The following AMZ1 variants were observed in gnomAD, a reference collection of about 807,000 sequenced individuals.
The protein encoded by AMZ1 is archaemetzincin-1.
In AMZ1, 39 loss-of-function variants were observed where a neutral mutation model predicts 29.9. The observed-to-expected ratio is 1.30, with a 90% CI of 1.01 to 1.70. The LOEUF (loss-of-function observed/expected upper bound fraction) is 1.70. Among genes scored for constraint, AMZ1 ranks in the 40% most tolerant of loss-of-function variants. The pLI is 0.00. For synonymous variants in AMZ1, 458 were observed against 304.0 expected (o/e 1.51, Z -5.27); for missense variants, 1,041 against 680.6 (o/e 1.53, Z -5.89).
rs1349893230 is a variant in AMZ1 at position 2,688,305 on chromosome 7, G to T, written c.-219+9G>T. On this transcript the variant is annotated intron_variant, in intron 1 of 6. Coordinates refer to ENST00000683327, the MANE Select transcript of AMZ1 (RefSeq NM_001384743.1). ...GGGCGCGGGACTGCGAGGTAGGGGGGCGCGCGGGGAAGACTCGGGGGCGCA... is the reference window on the plus strand; with the variant it reads ...GGGCGCGGGACTGCGAGGTAGGGGGTCGCGCGGGGAAGACTCGGGGGCGCA... 1.3e-5 allele frequency: 2 copies of T among 151,834 alleles called. No homozygotes were observed. The highest frequency in any genetic ancestry group is 2.1e-4 in the South Asian group (1 of 4,832). The allele number at this position is 151,834 out of a possible 1,614,324, so 9.4% of individuals were successfully genotyped here. A position where few individuals can be genotyped will look rare whatever the true frequency, so the allele number is the denominator to read the frequency against.
chr7:2,744,408 G>C (rs1393846539), intron 4 of AMZ1, among the ~76,000 whole-genome samples: 1 of 152,242 alleles, frequency 6.6e-6, no homozygotes, highest in Non-Finnish European at 1.5e-5. Flanking sequence ...CAAGCAAACA[G>C]GGTCTGGAGT....
chr7:2,724,941 C>T (rs905098474), intron 4 of AMZ1, among the ~76,000 whole-genome samples: 3 of 152,214 alleles, frequency 2.0e-5, no homozygotes, highest in South Asian at 4.1e-4. Context: ...AAGCCGGTAC[C>T]CCAGCGGGTG....
upstream of AMZ1, chr7:2,763,349 G>C (rs1026766410): frequency 1.9e-5 from 3 of 156,618 alleles, no homozygotes; most frequent in African/African-American, 7.2e-5. Flanking sequence ...CCTCGGCACA[G>C]TTTGTTTGCT....
At chr7:2,757,236 C>T (rs1252602578) in intron 4 of AMZ1, among the ~76,000 whole-genome samples, 2 of 144,962 alleles carry the variant, frequency 1.4e-5, no homozygotes, top group Admixed American at 7.1e-5. Context: ...CCCGGGTTCA[C>T]GCCATTCTCC....
intron 1 of AMZ1, among the ~76,000 whole-genome samples, chr7:2,680,953 G>A (rs1201348015): frequency 6.6e-5 from 10 of 152,194 alleles, no homozygotes; most frequent in Non-Finnish European, 1.2e-4. Flanking sequence ...CGGGATCCCC[G>A]CATCCACCAA....
intron 4 of AMZ1, among the ~76,000 whole-genome samples, chr7:2,738,151 G>A (rs1433493342): frequency 1.3e-5 from 2 of 152,148 alleles, no homozygotes; most frequent in African/African-American, 4.8e-5. Flanking sequence ...GACCAGGCGT[G>A]GTGGCTCACA....
In AMZ1 at chr7:2,757,178, C is replaced by T. The variant is rs180882265; in HGVS notation, n.551-7534C>T. On this transcript the variant is annotated intron_variant and non_coding_transcript_variant, in intron 4 of 4. Coordinates refer to the AMZ1 transcript ENST00000489665. ...TGAGACGGAGTCTTGCTCTGTCACC[C>T]AGGCTGGAGTGTAGTGGCACGATCT... Among the ~76,000 whole-genome samples, 178 of 142,584 alleles carry T rather than the reference C, an allele frequency of 1.2e-3. 1 individual carries two copies. Among genetic ancestry groups the T allele is most frequent in the African/African-American group, 4.4e-3 (164 of 37,298 alleles). The allele number at this position is 142,584 out of a possible 152,430, so 93.5% of individuals were successfully genotyped here. A position where few individuals can be genotyped will look rare whatever the true frequency, so the allele number is the denominator to read the frequency against.
chr7:2,696,454 T>TG (rs1157151884), intron 1 of AMZ1, among the ~76,000 whole-genome samples: 1 of 150,248 alleles, frequency 6.7e-6, no homozygotes, highest in Non-Finnish European at 1.5e-5. Flanking sequence ...AGACGGGGTT[T>TG]CACCATGTTA....
intron 4 of AMZ1, among the ~76,000 whole-genome samples, chr7:2,759,576 G>A (rs990895161): frequency 7.2e-5 from 11 of 152,208 alleles, no homozygotes; most frequent in African/African-American, 2.4e-4. Flanking sequence ...CTGGGGTGGC[G>A]GTAGTGGCTC....
Position 2,733,469 on chromosome 7 carries a change from C to T in AMZ1, n.550+23653C>T. ...TACTCACCAGCTGGCCGATCCGGTC[C>T]AAGTTGTCCAGGAAGTACTTCACCG... On this transcript the variant is annotated intron_variant and non_coding_transcript_variant, in intron 4 of 4. Transcript: ENST00000489665. 1.9e-6 allele frequency: 3 copies of T among 1,613,942 alleles called. No individual in the cohort carries two copies. In the South Asian group the frequency reaches 3.3e-5, roughly 18 times the overall value.
chr7:2,689,564 G>T (rs1787264816), intron 1 of AMZ1, among the ~76,000 whole-genome samples: 3 of 152,360 alleles, frequency 2.0e-5, no homozygotes, highest in African/African-American at 7.2e-5. Flanking sequence ...TGGGGTTCCA[G>T]TGTGAAGCGT....
chr7:2,761,828 G>A (rs1328787991), upstream of AMZ1, among the ~76,000 whole-genome samples: 1 of 152,202 alleles, frequency 6.6e-6, no homozygotes, highest in African/African-American at 2.4e-5. Context: ...TTCATACCCT[G>A]GATAGTGCTG....
chr7:2,693,788 C>T (rs1340604634), intron 1 of AMZ1, among the ~76,000 whole-genome samples: 2 of 152,210 alleles, frequency 1.3e-5, no homozygotes, highest in African/African-American at 4.8e-5. Context: ...ATCTCCTGAC[C>T]TCCTGATCCG....
At chr7:2,723,919 T>A (rs1180746277), downstream of AMZ1, among the ~76,000 whole-genome samples, 1 of 152,042 alleles carries the variant, frequency 6.6e-6, no homozygotes, top group Non-Finnish European at 1.5e-5. Flanking sequence ...CTGGCCAGAT[T>A]TTTTTTTGAG....
chr7:2,712,099 G>A (rs902053800), intron 6 of AMZ1, among the ~76,000 whole-genome samples: 13 of 152,288 alleles, frequency 8.5e-5, no homozygotes, highest in East Asian at 3.9e-4. Flanking sequence ...AGGAGCTTGC[G>A]AAGTTCCTGA....
In AMZ1 at chr7:2,702,800, G is replaced by A. The variant is rs748259042; in HGVS notation, c.383G>A (p.Arg128His). The A allele has an allele frequency of 1.0e-5, 16 of 1,547,720 alleles. No individual in the cohort carries two copies. In the East Asian group the frequency reaches 1.2e-4, roughly 12 times the overall value. Residue 128 changes from arginine (R) to histidine (H), a missense_variant, in exon 3 of 7, where the codon CGC becomes CAC. Coordinates refer to ENST00000683327, the MANE Select transcript of AMZ1 (RefSeq NM_001384743.1). ...ACAGAGGCCTTCTTCCTGGGCCTGC[G>A]CGTCAAGTGCCTGCCGTCGGTGGCA... ...SCTEAFFLGLRVKCLPSVAAA... is the reference protein window; with the variant it reads ...SCTEAFFLGLHVKCLPSVAAA...
At chr7:2,762,453 A>G (rs938649168), upstream of AMZ1, 7 of 543,942 alleles carry the variant, frequency 1.3e-5, no homozygotes, top group Middle Eastern at 3.0e-4. Context: ...ACTTAACTCC[A>G]AAGTCCAGCC....
chr7:2,752,423 G>A (rs1330871846), intron 4 of AMZ1, among the ~76,000 whole-genome samples: 2 of 152,130 alleles, frequency 1.3e-5, no homozygotes, highest in Non-Finnish European at 2.9e-5. Flanking sequence ...TCAATGCTAA[G>A]TTAGAAAGAC....
intron 1 of AMZ1, among the ~76,000 whole-genome samples, chr7:2,691,779 G>A (rs1787405596): frequency 6.6e-6 from 1 of 151,604 alleles, no homozygotes; most frequent in Non-Finnish European, 1.5e-5. Flanking sequence ...CAGGGTGGCA[G>A]GCACCGGAAG....
Sources: gnomAD v4.1 joint callset for allele counts (sites outside exome capture counted in the v4.1 genomes callset) on GRCh38, gnomAD v4.1.1 for gene constraint, MANE v1.5 for transcripts, NCBI Gene and HGNC (gene_info 2026-07-23, HGNC 2026-07-21) for gene names.